The following RABEPK variants were observed in gnomAD, a reference collection of about 807,000 sequenced individuals.
RABEPK encodes the protein 40 kDa Rab9 effector protein.
RABEPK carries 27 observed loss-of-function variants against 34.1 expected under a neutral mutation model. The observed-to-expected ratio is 0.79, with a 90% CI of 0.58 to 1.09. The LOEUF (loss-of-function observed/expected upper bound fraction) is 1.09, where lower values mean the gene tolerates loss of function less well. Among genes scored for constraint, RABEPK ranks in the 50% least tolerant of loss-of-function variants. RABEPK has a pLI of 0.00. For missense variants in RABEPK, 449 were observed against 462.6 expected (o/e 0.97, Z 0.27); for synonymous variants, 172 against 169.2 (o/e 1.02, Z -0.13).
intron 4 of RABEPK, among the ~76,000 whole-genome samples, chr9:125,213,807 A>T (rs10986643): frequency 0.013 from 1,943 of 152,302 alleles, 100 homozygotes; most frequent in Admixed American, 0.081. Context: ...CAGGTTTATC[A>T]AGGGCAAAGT....
intron 1 of RABEPK, among the ~76,000 whole-genome samples, chr9:125,202,106 T>C (rs1829944307): frequency 6.6e-6 from 1 of 151,920 alleles, no homozygotes; most frequent in African/African-American, 2.4e-5. Flanking sequence ...CCCAGCTTAC[T>C]CTGGAGGCTG....
At chr9:125,202,108 T>G (rs1588316754) in intron 1 of RABEPK, among the ~76,000 whole-genome samples, 1 of 151,676 alleles carries the variant, frequency 6.6e-6, no homozygotes, top group African/African-American at 2.4e-5. Flanking sequence ...CAGCTTACTC[T>G]GGAGGCTGAG....
chr9:125,225,788 G>A (rs989121198), intron 5 of RABEPK, among the ~76,000 whole-genome samples: 4 of 151,732 alleles, frequency 2.6e-5, no homozygotes, highest in African/African-American at 4.8e-5. Flanking sequence ...GTGAAACCCC[G>A]TATCTACTAA....
intron 3 of RABEPK, among the ~76,000 whole-genome samples, chr9:125,211,471 C>T (rs542409959): frequency 6.6e-6 from 1 of 152,122 alleles, no homozygotes; most frequent in African/African-American, 2.4e-5. Flanking sequence ...TGTTTACCAA[C>T]CAATTATGCA....
chr9:125,226,266 A>G (rs1415056930), intron 5 of RABEPK, among the ~76,000 whole-genome samples: 1 of 151,694 alleles, frequency 6.6e-6, no homozygotes, highest in Non-Finnish European at 1.5e-5. Flanking sequence ...GCAGTGGGCG[A>G]AGATCGCACT....
intron 3 of RABEPK, among the ~76,000 whole-genome samples, chr9:125,212,108 T>C (rs1830628565): frequency 6.6e-6 from 1 of 152,222 alleles, no homozygotes. Flanking sequence ...TGGACCTCAG[T>C]GCTCTATAAA....
intron 4 of RABEPK, among the ~76,000 whole-genome samples, chr9:125,215,204 G>GTT (rs368676740): frequency 3.6e-4 from 46 of 127,510 alleles, no homozygotes; most frequent in African/African-American, 5.1e-4. Flanking sequence ...GAAATAGGTG[G>GTT]GTTTTTTTTT....
At chr9:125,223,445 GGCTCTGT>G (rs1831502270) in intron 5 of RABEPK, among the ~76,000 whole-genome samples, 1 of 152,018 alleles carries the variant, frequency 6.6e-6, no homozygotes, top group Admixed American at 6.6e-5. Context: ...GACAGAGCAA[GGCTCTGT>G]CTCAAAAAAA....
rs755284920 is a variant in RABEPK, at chr9:125,213,487, C to T, written c.329C>T (p.Ser110Leu). ...TGGGTATTTGGAGGTGCCAACCAAT[C>T]AGGAAATCGAAATTGTCTACAAGTC... Reference protein sequence around the residue: ...RIWVFGGANQSGNRNCLQVLN... With the variant: ...RIWVFGGANQLGNRNCLQVLN... Residue 110 changes from serine (S) to leucine (L), a missense_variant, in exon 4 of 8, where the codon TCA (serine) becomes TTA (leucine). Ser to Leu is a moderately radical substitution (Grantham distance 145, BLOSUM62 -2). Coordinates refer to ENST00000373538, the MANE Select transcript of RABEPK (RefSeq NM_005833.4). 13 of 1,614,052 alleles carry T rather than the reference C, an allele frequency of 8.1e-6. No homozygotes were observed. In the South Asian group the frequency reaches 1.4e-4, roughly 18 times the overall value.
At chr9:125,227,846 G>A in intron 5 of RABEPK, 64 bp from the exon 6 acceptor site, 1 of 1,459,372 alleles carries the variant, frequency 6.9e-7, no homozygotes, top group Non-Finnish European at 9.2e-7. Context: ...AGAGGCTTGG[G>A]CCTGTTTCTC....
At chr9:125,210,879 C>T (rs533057049) in intron 3 of RABEPK, among the ~76,000 whole-genome samples, 39 of 147,580 alleles carry the variant, frequency 2.6e-4, no homozygotes, top group African/African-American at 9.4e-4. Flanking sequence ...AAACTGTCAC[C>T]CAGGCTGGAG....
At chr9:125,227,796 C>T in intron 5 of RABEPK, 114 bp from the exon 6 acceptor site, 1 of 987,068 alleles carries the variant, frequency 1.0e-6, no homozygotes, top group Non-Finnish European at 1.4e-6. Flanking sequence ...CCCAGGGTTG[C>T]TTCCTGCATG....
chr9:125,214,149 T>G (rs1338365539), intron 4 of RABEPK, among the ~76,000 whole-genome samples: 4 of 151,722 alleles, frequency 2.6e-5, no homozygotes, highest in Admixed American at 2.6e-4. Flanking sequence ...AAAAAAAAAT[T>G]TTTTTAAAAA....
Position 125,234,058 on chromosome 9 carries a change from A to G in RABEPK, c.*78A>G. 7.5e-7 allele frequency: 1 copy of G among 1,330,826 alleles called. No homozygotes were observed. Among genetic ancestry groups the G allele is most frequent in the Non-Finnish European group, 1.0e-6 (1 of 959,112 alleles). The allele number at this position is 1,330,826 out of a possible 1,614,324, so 82.4% of individuals were successfully genotyped here. A position where few individuals can be genotyped will look rare whatever the true frequency, so the allele number is the denominator to read the frequency against. On this transcript the variant is annotated 3_prime_UTR_variant, in exon 8 of 8. Coordinates refer to ENST00000373538, the MANE Select transcript of RABEPK (RefSeq NM_005833.4). ...ACATTAGCTGTTTTATACCTCCAAA[A>G]TATCTTCTGCATTATATATCTGTTT... is the stretch of plus-strand genomic sequence containing the variant.
chr9:125,226,340 A>T (rs1831745572), intron 5 of RABEPK, among the ~76,000 whole-genome samples: 1 of 152,016 alleles, frequency 6.6e-6, no homozygotes, highest in Non-Finnish European at 1.5e-5. Context: ...AAAAAAAAAA[A>T]AAAGTTGAGT....
At chr9:125,213,987 T>G (rs921570372) in intron 4 of RABEPK, among the ~76,000 whole-genome samples, 4 of 148,532 alleles carry the variant, frequency 2.7e-5, no homozygotes, top group Admixed American at 2.0e-4. Context: ...CTGGGTGTAG[T>G]GGTGGGCGCC....
chr9:125,214,249 G>A (rs1031361967), intron 4 of RABEPK, among the ~76,000 whole-genome samples: 4 of 152,122 alleles, frequency 2.6e-5, no homozygotes, highest in Non-Finnish European at 5.9e-5. Context: ...TTGTGCCCCC[G>A]GGGGACATTT....
At chr9:125,224,985 G>A (rs1038355775) in intron 5 of RABEPK, among the ~76,000 whole-genome samples, 2 of 152,146 alleles carry the variant, frequency 1.3e-5, no homozygotes, top group Admixed American at 1.3e-4. Context: ...AGGATGCAGT[G>A]GTGTGTGCCT....
chr9:125,232,933 AGGCGTGGT>A (rs1160175472), intron 7 of RABEPK, among the ~76,000 whole-genome samples, 188 bp downstream of exon 7: 1 of 151,896 alleles, frequency 6.6e-6, no homozygotes, highest in African/African-American at 2.4e-5. Context: ...AAAATTAGCC[AGGCGTGGT>A]GGCGGGCGCC....
Sources: gnomAD v4.1 joint callset for allele counts (sites outside exome capture counted in the v4.1 genomes callset) on GRCh38, gnomAD v4.1.1 for gene constraint, MANE v1.5 for transcripts, NCBI Gene and HGNC (gene_info 2026-07-23, HGNC 2026-07-21) for gene names.